Variants in ITPKB observed in about 807,000 individuals in gnomAD.
ITPKB encodes IP3 3-kinase B.
A neutral mutation model predicts 69.4 loss-of-function variants in ITPKB; 13 were observed. That is an observed-to-expected ratio of 0.19 (90% CI 0.12 to 0.30). ITPKB has a LOEUF of 0.30. ITPKB is among the 10% of genes least tolerant of loss of function. The pLI is 1.00. For missense variants in ITPKB, 1,240 were observed against 1,250.5 expected (o/e 0.99, Z 0.13); for synonymous variants, 584 against 513.7 (o/e 1.14, Z -1.85).
chr1:226,734,756 A>C (rs559242979), intron 2 of ITPKB, among the ~76,000 whole-genome samples: 2 of 152,300 alleles, frequency 1.3e-5, no homozygotes, highest in African/African-American at 4.8e-5. Context: ...CCCAAACCAG[A>C]GGCACGTGAA....
chr1:226,716,040 A>T (rs1657086595), intron 2 of ITPKB, among the ~76,000 whole-genome samples: 1 of 152,178 alleles, frequency 6.6e-6, no homozygotes, highest in Non-Finnish European at 1.5e-5. Flanking sequence ...CAAACTCCTG[A>T]CCTCAGGCAA....
intron 2 of ITPKB, among the ~76,000 whole-genome samples, chr1:226,649,558 C>G (rs10916023): frequency 6.7e-6 from 1 of 149,010 alleles, no homozygotes; most frequent in Non-Finnish European, 1.5e-5. Context: ...GTGTGATATG[C>G]ACATATGTGT....
At chr1:226,697,774 C>T (rs902825330) in intron 2 of ITPKB, among the ~76,000 whole-genome samples, 6 of 152,212 alleles carry the variant, frequency 3.9e-5, no homozygotes, top group African/African-American at 7.2e-5. Context: ...GGGTCCTCTG[C>T]ACCAACCCAG....
chr1:226,670,032 G>A (rs1669583336), intron 2 of ITPKB, among the ~76,000 whole-genome samples: 1 of 151,436 alleles, frequency 6.6e-6, no homozygotes, highest in Non-Finnish European at 1.5e-5. Context: ...ACGCCACCAT[G>A]CCTGGCTAAT....
intron 2 of ITPKB, among the ~76,000 whole-genome samples, chr1:226,721,812 C>CT (rs1195160989): frequency 6.9e-6 from 1 of 144,018 alleles, no homozygotes; most frequent in African/African-American, 2.6e-5. Flanking sequence ...CTTTTCTTTT[C>CT]TTTCTTTTTT....
chr1:226,698,125 A>C (rs1033672188), intron 2 of ITPKB, among the ~76,000 whole-genome samples: 1 of 152,234 alleles, frequency 6.6e-6, no homozygotes, highest in African/African-American at 2.4e-5. Context: ...GGCCAAGGGG[A>C]ATCACCCAAA....
chr1:226,730,374 T>C (rs568214980), intron 2 of ITPKB, among the ~76,000 whole-genome samples: 2 of 152,114 alleles, frequency 1.3e-5, no homozygotes, highest in South Asian at 4.2e-4. Context: ...TACCAAAGAG[T>C]TCATAGTTGG....
At chr1:226,652,792 G>A (rs1304244711) in intron 2 of ITPKB, among the ~76,000 whole-genome samples, 1 of 152,202 alleles carries the variant, frequency 6.6e-6, no homozygotes, top group Non-Finnish European at 1.5e-5. Flanking sequence ...CCTATGTGTG[G>A]CAGGTCCCTG....
In ITPKB at chr1:226,738,597, G is replaced by C. The variant is rs1174350360; in HGVS notation, c.-206+444C>G. 2.0e-5 allele frequency among the ~76,000 whole-genome samples: 3 copies of C among 152,196 alleles called. No homozygotes were observed. The highest frequency in any genetic ancestry group is 6.5e-5 in the Admixed American group (1 of 15,282). ...ACCCGCGCCCACTCGGAGGAACTTAGGGGCGTGCATGGCTGCAGCCGGGCA... is the reference window on the plus strand; with the variant it reads ...ACCCGCGCCCACTCGGAGGAACTTACGGGCGTGCATGGCTGCAGCCGGGCA... On this transcript the variant is annotated intron_variant, in intron 1 of 7. Coordinates refer to ENST00000429204, the MANE Select transcript of ITPKB (RefSeq NM_002221.4). The surrounding 1 kb of genome is among the most constrained non-coding windows in gnomAD (Gnocchi z 4.2).
At chr1:226,695,585 G>A (rs697850) in intron 2 of ITPKB, among the ~76,000 whole-genome samples, 36,626 of 152,096 alleles carry the variant, frequency 0.24, 4,589 homozygotes, top group Middle Eastern at 0.36. Flanking sequence ...CCAGCTGCCC[G>A]AGCATTGAAC....
In ITPKB at chr1:226,736,435, G is replaced by A. The variant is rs1399341337; in HGVS notation, c.1024C>T (p.Leu342=). ...AGAAACTGCCCCTGCCTCTCCACCA[G>A]GGCCTCTGGGGGCTGCAGGTCCTCA... ...ELEDLQPPEA[L]VERQGQFLGS... Residue 342 remains leucine, a synonymous_variant, in exon 2 of 8, where the codon CTG becomes TTG. Transcript: ENST00000429204. The A allele has an allele frequency of 6.8e-6, 11 of 1,613,278 alleles. No homozygotes were observed. The highest frequency in any genetic ancestry group is 1.3e-5 in the African/African-American group (1 of 75,068).
chr1:226,680,248 CG>C (rs1656047591), intron 2 of ITPKB, among the ~76,000 whole-genome samples: 1 of 148,818 alleles, frequency 6.7e-6, no homozygotes, highest in South Asian at 2.3e-4. Context: ...ACTGCTGGGG[CG>C]GGGATGGGGC....
chr1:226,670,126 G>A (rs1274093398), intron 2 of ITPKB, among the ~76,000 whole-genome samples: 4 of 117,868 alleles, frequency 3.4e-5, no homozygotes, highest in Admixed American at 2.3e-4. Context: ...CGCCTGCCTC[G>A]CCCTCCCAAA....
At position 226,737,609 on chromosome 1, in the gene ITPKB, G is replaced by C; in HGVS notation, c.-151C>G. 5 of 1,151,498 alleles carry C rather than the reference G, an allele frequency of 4.3e-6. No individual in the cohort carries two copies. Among genetic ancestry groups the C allele is most frequent in the Non-Finnish European group, 5.3e-6 (5 of 938,350 alleles). The allele number at this position is 1,151,498 out of a possible 1,614,324, so 71.3% of individuals were successfully genotyped here. ...GGCGGCATGGCCTGGGCAGCGGGCTGGGGGCACGACCGCGGGCTCAGCCCC... is the reference window on the plus strand; with the variant it reads ...GGCGGCATGGCCTGGGCAGCGGGCTCGGGGCACGACCGCGGGCTCAGCCCC... On this transcript the variant is annotated 5_prime_UTR_variant, in exon 2 of 8. Transcript: ENST00000429204.
intron 2 of ITPKB, among the ~76,000 whole-genome samples, chr1:226,725,812 G>A (rs969083871): frequency 3.9e-5 from 6 of 152,310 alleles, no homozygotes; most frequent in African/African-American, 7.2e-5. Flanking sequence ...ACGATGCTGC[G>A]GCTGAAGTGA....
At position 226,648,783 on chromosome 1, in the gene ITPKB, C is replaced by T. The variant is rs957355256; in HGVS notation, c.1933-12G>A. 4 of 1,551,826 alleles carry T rather than the reference C, an allele frequency of 2.6e-6. No homozygotes were observed. The African/African-American group carries it at 4.1e-5, about 16-fold the overall frequency. On this transcript the variant is annotated splice_polypyrimidine_tract_variant and intron_variant, in intron 2 of 7. Coordinates refer to ENST00000429204, the MANE Select transcript of ITPKB (RefSeq NM_002221.4). The stretch of plus-strand genomic sequence containing the variant: ...CTCCATGATTTGCTCTAGAAACAAA[C>T]AAACAAAAAGCTCTACATTAGAAAG...
intron 4 of ITPKB, among the ~76,000 whole-genome samples, chr1:226,645,227 G>A (rs578046576): frequency 6.6e-6 from 1 of 152,296 alleles, no homozygotes. Context: ...AGGAAAGATC[G>A]GGCTGGGTGC....
intron 2 of ITPKB, among the ~76,000 whole-genome samples, chr1:226,693,132 G>C (rs919405176): frequency 6.6e-6 from 1 of 152,244 alleles, no homozygotes; most frequent in Non-Finnish European, 1.5e-5. Context: ...CACATTACAA[G>C]AGCCACTTCT....
intron 2 of ITPKB, among the ~76,000 whole-genome samples, chr1:226,700,982 A>C (rs1656623481): frequency 2.6e-5 from 4 of 152,240 alleles, no homozygotes; most frequent in Admixed American, 2.6e-4. Flanking sequence ...CATGGAGCAC[A>C]CGGTGCCTTC....
Sources: allele counts gnomAD v4.1 joint callset (sites outside exome capture counted in the v4.1 genomes callset), GRCh38; gene constraint gnomAD v4.1.1; non-coding constraint Gnocchi (gnomAD v3.1); transcripts MANE v1.5; gene names NCBI Gene and HGNC (gene_info 2026-07-23, HGNC 2026-07-21).